Variants in CNTNAP2 observed in about 807,000 individuals in gnomAD.
The protein encoded by CNTNAP2 is contactin associated protein 2.
A neutral mutation model predicts 155.2 loss-of-function variants in CNTNAP2; 98 were observed. The observed-to-expected ratio is 0.63, with a 90% CI of 0.54 to 0.75. The LOEUF (loss-of-function observed/expected upper bound fraction) is 0.75, where lower values mean the gene tolerates loss of function less well. Among genes scored for constraint, CNTNAP2 ranks in the 30% least tolerant of loss-of-function variants. The pLI is 0.00. For missense variants in CNTNAP2, 1,727 were observed against 1,688.1 expected (o/e 1.02, Z -0.40); for synonymous variants, 651 against 631.2 (o/e 1.03, Z -0.47).
At chr7:146,498,903 C>T (rs548590206) in intron 1 of CNTNAP2, among the ~76,000 whole-genome samples, 2 of 152,224 alleles carry the variant, frequency 1.3e-5, no homozygotes, top group East Asian at 3.9e-4. Flanking sequence ...TTAATCTAGC[C>T]AAACACAGTC....
intron 10 of CNTNAP2, among the ~76,000 whole-genome samples, chr7:147,456,094 G>GTTTATATCTTCATCAAAAGCCA (rs1797914404): frequency 6.6e-6 from 1 of 152,064 alleles, no homozygotes; most frequent in African/African-American, 2.4e-5. Flanking sequence ...ATATAGTTTT[G>GTTTATATCTTCATCAAAAGCCA]TTTATATCTT....
intron 1 of CNTNAP2, among the ~76,000 whole-genome samples, chr7:146,232,462 T>C (rs959330016): frequency 6.6e-6 from 1 of 152,104 alleles, no homozygotes; most frequent in African/African-American, 2.4e-5. Context: ...ATATTTTGTC[T>C]AGCTACCTAT....
chr7:148,131,615 A>G (rs146845117), intron 16 of CNTNAP2, among the ~76,000 whole-genome samples: 114 of 152,334 alleles, frequency 7.5e-4, no homozygotes, highest in African/African-American at 2.7e-3. Flanking sequence ...TGGATAATGA[A>G]CACATGGATT....
At chr7:147,737,535 T>G (rs1029490243) in intron 13 of CNTNAP2, among the ~76,000 whole-genome samples, 1 of 96,698 alleles carries the variant, frequency 1.0e-5, no homozygotes, top group Non-Finnish European at 2.7e-5. Flanking sequence ...GAACCACTAC[T>G]CTTCCAAGCT....
chr7:146,926,302 T>C (rs1208326937), intron 3 of CNTNAP2, among the ~76,000 whole-genome samples: 1 of 151,898 alleles, frequency 6.6e-6, no homozygotes, highest in Non-Finnish European at 1.5e-5. Flanking sequence ...ATTTTAACTT[T>C]CTTGAAAAGG....
intron 1 of CNTNAP2, among the ~76,000 whole-genome samples, chr7:146,721,356 C>CTATATACATTCTA (rs1211770198): frequency 1.6e-5 from 2 of 128,550 alleles, no homozygotes; most frequent in Admixed American, 8.3e-5. Context: ...TATATACATT[C>CTATATACATTCTA]TATATACATT....
At chr7:147,413,119 C>T (rs1797131490) in intron 10 of CNTNAP2, among the ~76,000 whole-genome samples, 1 of 152,134 alleles carries the variant, frequency 6.6e-6, no homozygotes, top group African/African-American at 2.4e-5. Flanking sequence ...GTGCATACAT[C>T]GGAAAAGAGT....
rs866752266 is a variant in CNTNAP2 at position 147,140,888 on chromosome 7, T to C, written c.1348+8379T>C. ...CTCTTTTGTGCTCCCTCAGATCTGC[T>C]GAGCTAGCTCCTTGCTGTACTGCTA... On this transcript the variant is annotated intron_variant, in intron 8 of 23. Coordinates refer to ENST00000361727, the MANE Select transcript of CNTNAP2 (RefSeq NM_014141.6). Among the ~76,000 whole-genome samples the C allele has an allele frequency of 4.6e-5, 7 of 152,276 alleles. No individual in the cohort carries two copies. In the South Asian group the frequency reaches 1.2e-3, roughly 27 times the overall value.
intron 20 of CNTNAP2, among the ~76,000 whole-genome samples, chr7:148,264,051 A>C (rs1015298562): frequency 1.3e-5 from 2 of 150,934 alleles, no homozygotes; most frequent in African/African-American, 2.5e-5. Flanking sequence ...TGTTAATGTC[A>C]ATTATCAAGA....
At chr7:146,681,753 C>T (rs1349628726) in intron 1 of CNTNAP2, among the ~76,000 whole-genome samples, 1 of 152,022 alleles carries the variant, frequency 6.6e-6, no homozygotes, top group Non-Finnish European at 1.5e-5. Flanking sequence ...ATGTAAGAAA[C>T]CTGTACCCCT....
chr7:146,950,071 C>T (rs1200023550), intron 3 of CNTNAP2, among the ~76,000 whole-genome samples: 2 of 151,990 alleles, frequency 1.3e-5, no homozygotes, highest in Non-Finnish European at 2.9e-5. Context: ...TGATTTTTGC[C>T]TTAGGTATCA....
chr7:146,327,428 G>T (rs566227592), intron 1 of CNTNAP2, among the ~76,000 whole-genome samples: 1 of 152,280 alleles, frequency 6.6e-6, no homozygotes, highest in African/African-American at 2.4e-5. Flanking sequence ...CAGAAAGAAT[G>T]AAACTTTGAT....
At chr7:146,136,296 A>G (rs1584766731) in intron 1 of CNTNAP2, among the ~76,000 whole-genome samples, 1 of 152,274 alleles carries the variant, frequency 6.6e-6, no homozygotes, top group African/African-American at 2.4e-5. Flanking sequence ...TTATCCTTTC[A>G]TAAATTATGT....
intron 8 of CNTNAP2, among the ~76,000 whole-genome samples, chr7:147,247,882 T>G (rs944136076): frequency 1.3e-5 from 2 of 152,146 alleles, no homozygotes; most frequent in Non-Finnish European, 2.9e-5. Context: ...CGTTTTATGC[T>G]TACGTTTAGG....
intron 15 of CNTNAP2, among the ~76,000 whole-genome samples, chr7:148,037,191 C>T (rs1001359723): frequency 2.6e-5 from 4 of 152,150 alleles, no homozygotes; most frequent in Admixed American, 2.6e-4. Flanking sequence ...TTACTAAGGC[C>T]TTGTCTTGTG....
intron 13 of CNTNAP2, among the ~76,000 whole-genome samples, chr7:147,678,101 G>A (rs944881518): frequency 6.6e-6 from 1 of 151,748 alleles, no homozygotes; most frequent in Non-Finnish European, 1.5e-5. Flanking sequence ...ACCAATCATA[G>A]TTTTACATAC....
intron 13 of CNTNAP2, among the ~76,000 whole-genome samples, chr7:147,792,839 T>C (rs1797840260): frequency 6.6e-6 from 1 of 152,154 alleles, no homozygotes; most frequent in African/African-American, 2.4e-5. Flanking sequence ...AGGTTTCCAT[T>C]TCCTCATATT....
At position 148,172,489 on chromosome 7, in the gene CNTNAP2, A is replaced by T; in HGVS notation, c.3010+11A>T. ...CATTTTGCAACAAAGGTAAGGTGGA[A>T]CCCATTTCCAGAGCCACTTTTGCGT... is the stretch of plus-strand genomic sequence containing the variant. On this transcript the variant is annotated intron_variant, in intron 18 of 23. Transcript: ENST00000361727. 2 of 1,611,946 alleles carry T rather than the reference A, an allele frequency of 1.2e-6. No homozygotes were observed. The highest frequency in any genetic ancestry group is 2.2e-5 in the South Asian group (2 of 91,026).
intron 13 of CNTNAP2, among the ~76,000 whole-genome samples, chr7:147,649,361 T>C (rs1195248580): frequency 1.3e-5 from 2 of 152,174 alleles, no homozygotes; most frequent in Non-Finnish European, 2.9e-5. Flanking sequence ...TAAATACTTA[T>C]TCTAGTATAG....
Sources: allele counts gnomAD v4.1 joint callset (sites outside exome capture counted in the v4.1 genomes callset), GRCh38; gene constraint gnomAD v4.1.1; transcripts MANE v1.5; gene names NCBI Gene and HGNC (gene_info 2026-07-23, HGNC 2026-07-21).